The following REC114 variants were observed in gnomAD, a reference collection of about 807,000 sequenced individuals.
REC114 encodes REC114 meiotic recombination protein, also known as meiotic recombination protein REC114.
Under a neutral mutation model 31.3 loss-of-function variants are expected in REC114, and 27 were observed. The observed-to-expected ratio is 0.86, with a 90% confidence interval of 0.64 to 1.19. REC114 has a LOEUF of 1.19. REC114 is among the 50% of genes most tolerant of loss of function. The probability of loss-of-function intolerance (pLI) is 0.00; values close to 1 mark genes in which losing one functional copy is unlikely to be tolerated. For missense variants in REC114, 344 were observed against 326.9 expected (o/e 1.05, Z -0.40); for synonymous variants, 134 against 127.7 (o/e 1.05, Z -0.33).
chr15:73,515,873 GCTAA>G (rs1019493593), intron 2 of REC114, among the ~76,000 whole-genome samples: 4 of 152,162 alleles, frequency 2.6e-5, no homozygotes, highest in African/African-American at 9.7e-5. Flanking sequence ...TAAGATATGG[GCTAA>G]CTTTTATGAA....
At chr15:73,452,689 A>C (rs1275920644) in intron 1 of REC114, among the ~76,000 whole-genome samples, 1 of 152,188 alleles carries the variant, frequency 6.6e-6, no homozygotes. Context: ...AATCCTAAGC[A>C]AAAAGAACAA....
intron 2 of REC114, among the ~76,000 whole-genome samples, chr15:73,481,843 T>C (rs1479411383): frequency 1.3e-5 from 2 of 151,888 alleles, no homozygotes; most frequent in African/African-American, 2.4e-5. Flanking sequence ...GTATTTTTAG[T>C]AGAGATGGGG....
intron 1 of REC114, among the ~76,000 whole-genome samples, chr15:73,464,141 A>G (rs1893025711): frequency 6.6e-6 from 1 of 151,604 alleles, no homozygotes; most frequent in East Asian, 1.9e-4. Flanking sequence ...TGCTCCGTGT[A>G]TCTTGTTACA....
intron 2 of REC114, among the ~76,000 whole-genome samples, chr15:73,517,289 G>C (rs189276329): frequency 4.9e-4 from 75 of 152,168 alleles, no homozygotes; most frequent in Non-Finnish European, 8.2e-4. Context: ...AGTCAGTTAC[G>C]TTTTTACATA....
At chr15:73,491,233 A>ATTAT (rs1367936548) in intron 2 of REC114, among the ~76,000 whole-genome samples, 5 of 5,168 alleles carry the variant, frequency 9.7e-4, no homozygotes, top group South Asian at 7.8e-3. Flanking sequence ...ATCTTTGTGT[A>ATTAT]CTATCTTTGT....
chr15:73,529,429 C>T (rs896873434), intron 2 of REC114, among the ~76,000 whole-genome samples: 29 of 152,212 alleles, frequency 1.9e-4, no homozygotes, highest in African/African-American at 6.7e-4. Context: ...TGAGCCACTG[C>T]GCCTGGCTGG....
rs374204892 is a variant in REC114 at position 73,450,843 on chromosome 15, G to A, written c.159+7499G>A. On this transcript the variant is annotated intron_variant, in intron 1 of 5. Coordinates refer to ENST00000331090, the MANE Select transcript of REC114 (RefSeq NM_001042367.2). ...AGGATTAAGACACTCACTCAAAACC[G>A]CACAACTACATGGAAACTGAACAAC... Among the ~76,000 whole-genome samples, 10 of 152,246 alleles carry A rather than the reference G, an allele frequency of 6.6e-5. No individual in the cohort carries two copies. The South Asian group carries it at 8.3e-4, about 13-fold the overall frequency.
At chr15:73,492,754 T>G (rs1271394904) in intron 2 of REC114, among the ~76,000 whole-genome samples, 1 of 152,216 alleles carries the variant, frequency 6.6e-6, no homozygotes, top group Non-Finnish European at 1.5e-5. Context: ...CAATTTATAC[T>G]CTTACAAATA....
intron 1 of REC114, among the ~76,000 whole-genome samples, chr15:73,459,388 G>A (rs1293841377): frequency 1.3e-5 from 2 of 151,740 alleles, no homozygotes; most frequent in Non-Finnish European, 2.9e-5. Flanking sequence ...TGCCACTACC[G>A]CCCGGCTAAT....
intron 2 of REC114, among the ~76,000 whole-genome samples, chr15:73,521,594 G>C (rs1304158366): frequency 1.3e-5 from 2 of 152,002 alleles, no homozygotes; most frequent in Admixed American, 1.3e-4. Flanking sequence ...CCCTTACAAA[G>C]ACTAATTTCT....
chr15:73,529,368 G>A (rs1404603636), intron 2 of REC114, among the ~76,000 whole-genome samples: 1 of 152,066 alleles, frequency 6.6e-6, no homozygotes, highest in African/African-American at 2.4e-5. Flanking sequence ...TTGATCTCCT[G>A]ACCTCGTGGT....
intron 4 of REC114, among the ~76,000 whole-genome samples, chr15:73,554,944 G>A (rs1293207229): frequency 6.6e-6 from 1 of 152,208 alleles, no homozygotes; most frequent in Admixed American, 6.5e-5. Context: ...TTTTACAGAG[G>A]AGAAAACTGA....
intron 2 of REC114, among the ~76,000 whole-genome samples, chr15:73,515,510 G>A (rs577379570): frequency 5.9e-5 from 9 of 152,292 alleles, no homozygotes; most frequent in African/African-American, 1.9e-4. Flanking sequence ...ATATTCATAT[G>A]TTGAAGCCCT....
At chr15:73,466,945 A>C (rs1893069657) in intron 1 of REC114, among the ~76,000 whole-genome samples, 1 of 152,160 alleles carries the variant, frequency 6.6e-6, no homozygotes, top group Non-Finnish European at 1.5e-5. Flanking sequence ...TACCACAGGG[A>C]GGGAAAAGCC....
intron 1 of REC114, among the ~76,000 whole-genome samples, chr15:73,465,564 C>G (rs1434739913): frequency 6.6e-6 from 1 of 152,074 alleles, no homozygotes; most frequent in Non-Finnish European, 1.5e-5. Context: ...TTCCCTAGCT[C>G]TTAGCATTAT....
intron 2 of REC114, among the ~76,000 whole-genome samples, chr15:73,475,244 G>A (rs1044217077): frequency 1.3e-5 from 2 of 152,144 alleles, no homozygotes. Context: ...ATCACACATA[G>A]AATGATTTTT....
chr15:73,488,781 C>T (rs567951604), intron 2 of REC114, among the ~76,000 whole-genome samples: 3 of 152,324 alleles, frequency 2.0e-5, no homozygotes, highest in East Asian at 1.9e-4. Context: ...CTTCTAAGCC[C>T]TCACCTGAAT....
chr15:73,552,681 C>A (rs1235183408), intron 4 of REC114, among the ~76,000 whole-genome samples: 1 of 152,160 alleles, frequency 6.6e-6, no homozygotes, highest in South Asian at 2.1e-4. Flanking sequence ...TACCTCTGTT[C>A]TTGAGATGAG....
rs550005131 is a variant in REC114, at chr15:73,515,082, G to T, written c.250-25403G>T. Among the ~76,000 whole-genome samples, 3 of 152,136 alleles carry T rather than the reference G, an allele frequency of 2.0e-5. No homozygotes were observed. In the South Asian group the frequency reaches 6.2e-4, roughly 32 times the overall value. On this transcript the variant is annotated intron_variant, in intron 2 of 5. Transcript: ENST00000331090. ...ACCTTACAGAGTAGCTGAGACTATA[G>T]GCATGCACCACAATGCCTGGCTAAT...
Sources: gnomAD v4.1 joint callset for allele counts (sites outside exome capture counted in the v4.1 genomes callset) on GRCh38, gnomAD v4.1.1 for gene constraint, MANE v1.5 for transcripts, NCBI Gene and HGNC (gene_info 2026-07-23, HGNC 2026-07-21) for gene names.